The following SGO1 variants were observed in gnomAD, a reference collection of about 807,000 sequenced individuals.
SGO1 encodes serologically defined breast cancer antigen NY-BR-85.
Under a neutral mutation model 50.5 loss-of-function variants are expected in SGO1, and 39 were observed. The observed-to-expected ratio is 0.77, with a 90% CI of 0.60 to 1.01. The LOEUF (loss-of-function observed/expected upper bound fraction) is 1.01, where lower values mean the gene tolerates loss of function less well. Ranked by LOEUF, SGO1 falls within the 50% of genes least tolerant of loss-of-function variation. The probability of loss-of-function intolerance (pLI) is 0.00; values close to 1 mark genes in which losing one functional copy is unlikely to be tolerated. For missense variants in SGO1, 638 were observed against 606.0 expected (o/e 1.05, Z -0.55); for synonymous variants, 191 against 205.1 (o/e 0.93, Z 0.59).
intron 1 of SGO1, among the ~76,000 whole-genome samples, chr3:20,184,387 CT>C (rs1212670654): frequency 6.6e-6 from 1 of 152,140 alleles, no homozygotes; most frequent in African/African-American, 2.4e-5. Flanking sequence ...ATTATTTACA[CT>C]TTTTATAGAA....
rs183736430 is a variant in SGO1 at position 20,183,613 on chromosome 3, C to T, written c.334G>A (p.Ala112Thr). ...GGCCTTAGTAATGAAAATACCTGAG[C>T]AGGTTCTACTGTTTGTTGTGATGTA... ...KLTSQQTVEP[A>T]QNQEICSSGM... The change falls in exon 3 of 8, where the codon GCT becomes ACT. Residue 112 changes from alanine (A) to threonine (T), a missense_variant. By Grantham distance (58) the Ala-to-Thr change is moderately conservative. Coordinates refer to ENST00000412997, the MANE Select transcript of SGO1 (RefSeq NM_001199251.3). The T allele has an allele frequency of 3.2e-6, 5 of 1,574,326 alleles. No individual in the cohort carries two copies. The Admixed American group carries it at 1.0e-4, about 32-fold the overall frequency.
chr3:20,182,316 C>G (rs1286113109), intron 3 of SGO1, among the ~76,000 whole-genome samples: 1 of 152,112 alleles, frequency 6.6e-6, no homozygotes, highest in Non-Finnish European at 1.5e-5. Flanking sequence ...ATTTCATTCT[C>G]AAGTACCTGC....
At chr3:20,183,858 A>C (rs1217062622) in intron 2 of SGO1, 28 bp downstream of exon 2, 1 of 1,605,192 alleles carries the variant, frequency 6.2e-7, no homozygotes, top group East Asian at 2.2e-5. Flanking sequence ...TAAAAGTGAT[A>C]TAAAAGGACA....
chr3:20,177,574 A>G (rs981547227), intron 4 of SGO1, among the ~76,000 whole-genome samples: 56 of 152,326 alleles, frequency 3.7e-4, no homozygotes, highest in African/African-American at 1.3e-3. Flanking sequence ...GGTGGAGGCT[A>G]TGGATGCTGC....
At chr3:20,176,179 C>A (rs1701366530) in intron 5 of SGO1, among the ~76,000 whole-genome samples, 1 of 152,146 alleles carries the variant, frequency 6.6e-6, no homozygotes, top group African/African-American at 2.4e-5. Flanking sequence ...AAAGGGATGG[C>A]TTTGGAGTTC....
rs772386209 is a variant in SGO1 at position 20,170,723 on chromosome 3, C to CT, written c.1564dup (p.Ser522LysfsTer15). On this transcript the variant is annotated frameshift_variant, in exon 8 of 8. Coordinates refer to ENST00000412997, the MANE Select transcript of SGO1 (RefSeq NM_001199251.3). LOFTEE classifies it high-confidence loss of function. Reference sequence around the variant, plus strand: ...AAACCTTCATTGTATTTGTTTCATACTTTTTTTAGAACGTCTCAAATCCTT... The same window carrying CT: ...AAACCTTCATTGTATTTGTTTCATACTTTTTTTTAGAACGTCTCAAATCCTT... The CT allele has an allele frequency of 9.2e-5, 146 of 1,584,856 alleles. No homozygotes were observed. Among genetic ancestry groups the CT allele is most frequent in the Non-Finnish European group, 1.2e-4 (135 of 1,172,778 alleles).
At chr3:20,180,638 A>G (rs1203295970) in intron 3 of SGO1, among the ~76,000 whole-genome samples, 1 of 152,216 alleles carries the variant, frequency 6.6e-6, no homozygotes. Flanking sequence ...CCACTGTAAC[A>G]AGAGGGAAGA....
Position 20,171,048 on chromosome 3 carries a change from G to A in SGO1, c.1467C>T (p.Leu489=), listed in dbSNP as rs756256465. The change falls in exon 7 of 8, where the codon CTC becomes CTT. Residue 489 remains leucine (L), a synonymous_variant. Transcript: ENST00000412997. ...TASVNYKEPT[L]ASKLRRGDPF... ...CCCACAAACCAAATACTTACGAAGC[G>A]AGGGTGGGCTCCTTATAGTTCACGC... 1.5e-5 allele frequency: 24 copies of A among 1,582,306 alleles called. No homozygotes were observed. The East Asian group carries it at 2.3e-4, about 15-fold the overall frequency.
In SGO1 at chr3:20,174,300, A is replaced by C. The variant is rs781355765; in HGVS notation, c.1231T>G (p.Tyr411Asp). 6.2e-7 allele frequency: 1 copy of C among 1,614,146 alleles called. No individual in the cohort carries two copies. The highest frequency in any genetic ancestry group is 8.5e-7 in the Non-Finnish European group (1 of 1,180,010). The change falls in exon 6 of 8, where the codon TAC becomes GAC. Residue 411 changes from tyrosine (Y) to aspartate (D), a missense_variant. Physicochemically the swap from Tyr to Asp is radical, Grantham distance 160. Transcript: ENST00000412997. ...TRPLAKRALK[Y>D]TDEKETEGSK... ...CCCTCCGTCTCTTTTTCATCTGTGT[A>C]TTTCAGTGCTCTTTTAGCTAGAGGC...
In SGO1 at chr3:20,183,974, T is replaced by C. The variant is rs749057920; in HGVS notation, c.54A>G (p.Ile18Met). The C allele has an allele frequency of 2.5e-6, 4 of 1,612,496 alleles. No individual in the cohort carries two copies. The highest frequency in any genetic ancestry group is 1.7e-5 in the Admixed American group (1 of 59,766). ...KKSFQDSLED[I>M]KKRMKEKRNK... ...TCCTTTTCTCTTTCATTCGCTTCTT[T>C]ATGTCTTCAAGACTATCTTGAAAGG... The change falls in exon 2 of 8, where the codon ATA becomes ATG. Residue 18 changes from isoleucine (I) to methionine (M), a missense_variant. By Grantham distance (10) the Ile-to-Met change is conservative. Transcript: ENST00000412997.
chr3:20,180,002 C>T (rs1701825979), intron 3 of SGO1, among the ~76,000 whole-genome samples: 1 of 152,078 alleles, frequency 6.6e-6, no homozygotes, highest in South Asian at 2.1e-4. Flanking sequence ...AATCTAGATT[C>T]AGAGTGGCTG....
chr3:20,162,817 TA>T lies in SGO1; in HGVS notation c.1565-1592del, dbSNP rs1413765709. ...TCTAGAGGTAAAAAAAAAAATACAA[TA>T]TCATGACAGAAAAAATACACTGGAT... On this transcript the variant is annotated intron_variant, in intron 8 of 8. Coordinates refer to the SGO1 transcript ENST00000263753. Among the ~76,000 whole-genome samples the T allele has an allele frequency of 2.0e-5, 3 of 149,060 alleles. No homozygotes were observed. The East Asian group carries it at 5.9e-4, about 30-fold the overall frequency.
chr3:20,162,252 G>T (rs1700076552), intron 8 of SGO1, among the ~76,000 whole-genome samples: 1 of 152,218 alleles, frequency 6.6e-6, no homozygotes, highest in South Asian at 2.1e-4. Flanking sequence ...ATTACAGGGA[G>T]TTGTGAGCCA....
In SGO1 at chr3:20,185,142, T is replaced by C. The variant is rs375716507; in HGVS notation, c.-8+806A>G. On this transcript the variant is annotated intron_variant, in intron 1 of 7. Transcript: ENST00000412997. ...AGAACTTTCTTTCTACCAAGGTATA[T>C]ACAATATGTACTGGGAGGTTCCTAG... 3.3e-4 allele frequency among the ~76,000 whole-genome samples: 51 copies of C among 152,328 alleles called. 1 individual carries two copies. In the South Asian group the frequency reaches 9.7e-3, roughly 29 times the overall value.
chr3:20,165,124 G>C (rs902553473), downstream of SGO1, among the ~76,000 whole-genome samples: 4 of 152,220 alleles, frequency 2.6e-5, no homozygotes, highest in African/African-American at 9.7e-5. Context: ...CTGGGCATGA[G>C]GTGAAAGCCT....
chr3:20,176,796 A>G (rs1575223582), intron 4 of SGO1, 137 bp from the exon 5 acceptor site: 1 of 560,568 alleles, frequency 1.8e-6, no homozygotes, highest in Non-Finnish European at 3.0e-6. Context: ...TCTATTCTGT[A>G]TCAAAGGAAA....
In SGO1 at chr3:20,174,976, T is replaced by C. The variant is rs1484602112; in HGVS notation, c.555A>G (p.Leu185=). The C allele has an allele frequency of 6.2e-7, 1 of 1,612,226 alleles. No individual in the cohort carries two copies. Among genetic ancestry groups the C allele is most frequent in the Non-Finnish European group, 8.5e-7 (1 of 1,179,014 alleles). The stretch of plus-strand genomic sequence containing the variant: ...TGCTACGAACAGATACAGTTCTAGG[T>C]AAGACATTATCAGTAGACTTAGCTT... ...SGEAKSTDNV[L]PRTVSVRSSL... Residue 185 remains leucine (L), a synonymous_variant, in exon 6 of 8, where the codon TTA becomes TTG. Transcript: ENST00000412997.
At chr3:20,173,653 T>C (rs932204619) in intron 6 of SGO1, among the ~76,000 whole-genome samples, 1 of 152,230 alleles carries the variant, frequency 6.6e-6, no homozygotes, top group Non-Finnish European at 1.5e-5. Context: ...GTTTTACTTG[T>C]ATTAACTAAA....
downstream of SGO1, among the ~76,000 whole-genome samples, chr3:20,166,085 C>G (rs1403136469): frequency 6.6e-6 from 1 of 151,922 alleles, no homozygotes; most frequent in Non-Finnish European, 1.5e-5. Context: ...CAAATCCTAC[C>G]TATGTATTAA....
Sources: allele counts gnomAD v4.1 joint callset (sites outside exome capture counted in the v4.1 genomes callset), GRCh38; gene constraint gnomAD v4.1.1; transcripts MANE v1.5; gene names NCBI Gene and HGNC (gene_info 2026-07-23, HGNC 2026-07-21).